HEATR5B: variants seen among roughly 807,000 people sequenced by gnomAD.
HEATR5B encodes the protein HEAT repeat-containing protein 5B.
In HEATR5B, 156 loss-of-function variants were observed where a neutral mutation model predicts 224.1. The observed-to-expected ratio is 0.70, with a 90% CI of 0.61 to 0.80. The LOEUF is 0.80. Ranked by LOEUF, HEATR5B falls within the 30% of genes least tolerant of loss-of-function variation. The pLI, the probability that HEATR5B is intolerant of heterozygous loss-of-function variation, is 0.00. For synonymous variants in HEATR5B, 1,027 were observed against 893.0 expected (o/e 1.15, Z -2.68); for missense variants, 2,323 against 2,535.5 (o/e 0.92, Z 1.80).
At chr2:36,993,563 A>T (rs1021698065) in intron 33 of HEATR5B, among the ~76,000 whole-genome samples, 6 of 151,556 alleles carry the variant, frequency 4.0e-5, no homozygotes, top group Non-Finnish European at 5.9e-5. Context: ...AAAAAGAAAG[A>T]AAGTTTGATG....
chr2:37,047,870 A>T (rs1670299697), intron 18 of HEATR5B, among the ~76,000 whole-genome samples: 1 of 152,196 alleles, frequency 6.6e-6, no homozygotes, highest in Non-Finnish European at 1.5e-5. Flanking sequence ...GATTCTGCCA[A>T]ATCTAAGACA....
rs1192843069 is a variant in HEATR5B at position 37,040,510 on chromosome 2, A to G, written c.2865T>C (p.Ser955=). 6 of 1,605,086 alleles carry G rather than the reference A, an allele frequency of 3.7e-6. No individual in the cohort carries two copies. In the African/African-American group the frequency reaches 4.0e-5, roughly 11 times the overall value. ...CCACTATCAAAGCAAGTGAATGAAGAGACCAAGTCTAGAATAAAATATAAT... is the reference window on the plus strand; with the variant it reads ...CCACTATCAAAGCAAGTGAATGAAGGGACCAAGTCTAGAATAAAATATAAT... ...DGTSPEVQTW[S]LHSLALIVDS... is the part of the protein sequence containing the mutation. The change falls in exon 20 of 36, where the codon TCT becomes TCC. Residue 955 remains serine (S), a synonymous_variant. Transcript: ENST00000233099.
chr2:36,991,041 G>C (rs928567423), intron 33 of HEATR5B, among the ~76,000 whole-genome samples: 5 of 152,024 alleles, frequency 3.3e-5, no homozygotes, highest in African/African-American at 1.2e-4. Flanking sequence ...ATTTATAGTA[G>C]TACTTGCCTT....
rs1572964636 is a variant in HEATR5B, at chr2:37,083,355, T to G, written c.60A>C (p.Ala20=). Residue 20 remains alanine (A), a synonymous_variant, in exon 2 of 36, where the codon GCA becomes GCC. Transcript: ENST00000233099. The stretch of plus-strand genomic sequence containing the variant: ...ATTCAAAGATGAAAACTGGTCTTTT[T>G]GCTTCGGTGATTTGAGCCAAAGCTT... ...NEEALAQITE[A]KRPVFIFEWL... 1.9e-6 allele frequency: 3 copies of G among 1,614,098 alleles called. No individual in the cohort carries two copies. The East Asian group carries it at 6.7e-5, about 36-fold the overall frequency.
Position 37,028,157 on chromosome 2 carries a change from G to A in HEATR5B, c.3619C>T (p.Leu1207Phe). The A allele has an allele frequency of 6.2e-7, 1 of 1,603,928 alleles. No homozygotes were observed. Among genetic ancestry groups the A allele is most frequent in the African/African-American group, 1.3e-5 (1 of 74,728 alleles). Residue 1207 changes from leucine to phenylalanine, a missense_variant, in exon 24 of 36, where the codon CTC becomes TTC. By Grantham distance (22) the Leu-to-Phe change is conservative. This residue lies in a region of HEATR5B where 339 missense variants were observed against 378.4 expected (regional missense o/e 0.90). Coordinates refer to ENST00000233099, the MANE Select transcript of HEATR5B (RefSeq NM_019024.3). ...TCTTCATCTTTTCCACTACTTAAGA[G>A]AGTTGCAGTACTCATATCTATAACA... The part of the protein sequence containing the change: ...AASSDMSTAT[L>F]LSSGKDEEAE...
chr2:37,075,798 C>G (rs1672193832), intron 4 of HEATR5B, 164 bp from the exon 5 acceptor site: 2 of 449,702 alleles, frequency 4.4e-6, no homozygotes, highest in Admixed American at 8.1e-5. Context: ...AAGTACCTGG[C>G]AAGTAAGAAT....
At chr2:37,021,255 T>C (rs1405471739) in intron 24 of HEATR5B, among the ~76,000 whole-genome samples, 1 of 152,220 alleles carries the variant, frequency 6.6e-6, no homozygotes, top group Non-Finnish European at 1.5e-5. Context: ...AACTGAGTCT[T>C]GCAATACTGC....
chr2:37,020,002 C>G, intron 25 of HEATR5B, 125 bp from the exon 26 acceptor site: 3 of 606,164 alleles, frequency 4.9e-6, no homozygotes, highest in Non-Finnish European at 5.7e-6. Flanking sequence ...CTCGTAGGCT[C>G]AAGCGATTCT....
At chr2:37,046,532 G>C (rs1203798314) in intron 18 of HEATR5B, among the ~76,000 whole-genome samples, 1 of 151,640 alleles carries the variant, frequency 6.6e-6, no homozygotes, top group East Asian at 1.9e-4. Context: ...CCAGCTACTT[G>C]GGAGGCTGAG....
rs1428307195 is a variant in HEATR5B, at chr2:37,058,398, G to C, written c.2059+53C>G. Reference sequence around the variant, plus strand: ...GCCTTTGTCAAGACTCTATAATACGGTGAAGAATTGTAAAGAAAAATTTTT... The same window carrying C: ...GCCTTTGTCAAGACTCTATAATACGCTGAAGAATTGTAAAGAAAAATTTTT... On this transcript the variant is annotated intron_variant, in intron 14 of 35. Coordinates refer to ENST00000233099, the MANE Select transcript of HEATR5B (RefSeq NM_019024.3). 12 of 1,012,084 alleles carry C rather than the reference G, an allele frequency of 1.2e-5. 1 individual carries two copies. Among genetic ancestry groups the C allele is most frequent in the Middle Eastern group, 2.8e-4 (1 of 3,510 alleles). 62.7% of individuals were successfully genotyped at this position (1,012,084 alleles called of 1,614,324 possible).
intron 26 of HEATR5B, among the ~76,000 whole-genome samples, chr2:37,014,886 G>A (rs749399598): frequency 1.6e-4 from 25 of 151,966 alleles, no homozygotes; most frequent in Non-Finnish European, 2.6e-4. Context: ...GGGAGGCTGA[G>A]GCAGGAGAAT....
intron 35 of HEATR5B, among the ~76,000 whole-genome samples, chr2:36,988,257 G>T (rs2247357): frequency 0.63 from 95,253 of 151,414 alleles, 31,156 homozygotes; most frequent in African/African-American, 0.82. Flanking sequence ...CAAAGGCCTG[G>T]TTTTTTTTCT....
At chr2:37,038,920 G>GGGGGGGGGA (rs58707175) in intron 20 of HEATR5B, among the ~76,000 whole-genome samples, 27 of 124,628 alleles carry the variant, frequency 2.2e-4, no homozygotes, top group Non-Finnish European at 2.7e-4. Context: ...GGGGGGTGGG[G>GGGGGGGGGA]AATCACATAT....
chr2:37,048,299 C>T (rs1303720630), intron 18 of HEATR5B, among the ~76,000 whole-genome samples: 1 of 151,774 alleles, frequency 6.6e-6, no homozygotes, highest in Non-Finnish European at 1.5e-5. Context: ...ATCCTCCCAT[C>T]TCAGCCTCCC....
chr2:36,994,675 C>T (rs1178793484), intron 33 of HEATR5B, among the ~76,000 whole-genome samples: 1 of 152,150 alleles, frequency 6.6e-6, no homozygotes, highest in Non-Finnish European at 1.5e-5. Context: ...TCAAAACTTT[C>T]CCTTAATGAA....
intron 27 of HEATR5B, among the ~76,000 whole-genome samples, chr2:37,012,203 G>A (rs910233643): frequency 4.6e-5 from 7 of 151,992 alleles, no homozygotes; most frequent in African/African-American, 7.2e-5. Context: ...GTGTGCGTGC[G>A]TGTGTGTATA....
At chr2:37,071,673 T>C (rs1196482938) in intron 6 of HEATR5B, among the ~76,000 whole-genome samples, 1 of 151,914 alleles carries the variant, frequency 6.6e-6, no homozygotes, top group East Asian at 1.9e-4. Flanking sequence ...AAATGCCATT[T>C]GGGTTCTTTT....
chr2:37,069,382 A>AT (rs1326879840), intron 7 of HEATR5B, among the ~76,000 whole-genome samples: 6 of 152,192 alleles, frequency 3.9e-5, no homozygotes, highest in Admixed American at 1.3e-4. Flanking sequence ...TAAAATCGTG[A>AT]TTTTGACTAT....
intron 18 of HEATR5B, among the ~76,000 whole-genome samples, chr2:37,043,755 C>T (rs1040293036): frequency 6.6e-6 from 1 of 152,132 alleles, no homozygotes; most frequent in Non-Finnish European, 1.5e-5. Context: ...GTGTCTTGAA[C>T]CTGATGGAGC....
Sources: gnomAD v4.1 joint callset for allele counts (sites outside exome capture counted in the v4.1 genomes callset) on GRCh38, gnomAD v4.1.1 for gene constraint, gnomAD v4.1.1 regional missense constraint, MANE v1.5 for transcripts, NCBI Gene and HGNC (gene_info 2026-07-23, HGNC 2026-07-21) for gene names.